Variants in CDC123 observed in about 807,000 individuals in gnomAD.
The protein encoded by CDC123 is translation initiation factor eIF2 assembly protein.
A neutral mutation model predicts 54.4 loss-of-function variants in CDC123; 37 were observed. The observed-to-expected ratio is 0.68, with a 90% CI of 0.52 to 0.89. The LOEUF (loss-of-function observed/expected upper bound fraction) is 0.89. CDC123 is among the 40% of genes least tolerant of loss of function. The pLI is 0.00. For synonymous variants in CDC123, 144 were observed against 136.8 expected, an observed-to-expected ratio of 1.05 and a Z score of -0.37; for missense variants, 361 against 412.1, an observed-to-expected ratio of 0.88 and a Z score of 1.07.
chr10:12,211,032 T>G (rs759182504), intron 4 of CDC123, among the ~76,000 whole-genome samples: 16 of 152,206 alleles, frequency 1.1e-4, no homozygotes, highest in Non-Finnish European at 2.4e-4. Flanking sequence ...TAAAAATTAC[T>G]GTTTCTTTCA....
intron 6 of CDC123, among the ~76,000 whole-genome samples, chr10:12,223,435 G>A (rs1206964297): frequency 2.6e-5 from 4 of 152,026 alleles, no homozygotes; most frequent in East Asian, 1.9e-4. Flanking sequence ...GTAGGCGCAC[G>A]CCACCACGCC....
chr10:12,226,143 T>G (rs1433130723), intron 6 of CDC123, among the ~76,000 whole-genome samples: 1 of 151,498 alleles, frequency 6.6e-6, no homozygotes, highest in African/African-American at 2.4e-5. Flanking sequence ...CAAAATGGAG[T>G]CTCCCATGTC....
intron 11 of CDC123, among the ~76,000 whole-genome samples, chr10:12,249,363 AGGAGGTC>A (rs1194131169): frequency 2.0e-5 from 3 of 152,160 alleles, no homozygotes; most frequent in African/African-American, 4.8e-5. Flanking sequence ...ACCTGAGCCC[AGGAGGTC>A]GAGGCTGCAG....
chr10:12,196,302 AG>A lies in CDC123; in HGVS notation c.59del (p.Gly20AlafsTer15), dbSNP rs762580148. The A allele has an allele frequency of 2.5e-6, 4 of 1,613,392 alleles. No homozygotes were observed. Among genetic ancestry groups the A allele is most frequent in the Non-Finnish European group, 3.4e-6 (4 of 1,179,662 alleles). On this transcript the variant is annotated frameshift_variant, in exon 1 of 13. Transcript: ENST00000281141. LOFTEE classifies it high-confidence loss of function. ...TCTCCGCGTGGTACCCGTTCTTCCG[AG>A]GCGTTACCATCAAGAGGTGAGATGG... ...QFSAWYPFFRGVTIKSVILPL... is the reference protein window; with the variant it reads ...QFSAWYPFFRXVTIKSVILPL...
chr10:12,240,966 C>T lies in CDC123; in HGVS notation c.717+2481C>T, dbSNP rs115697488. Among the ~76,000 whole-genome samples the T allele has an allele frequency of 7.5e-3, 1,139 of 152,174 alleles. 15 individuals are homozygous for T. The highest frequency in any genetic ancestry group is 0.026 in the African/African-American group (1,075 of 41,502). ...ATTCCTAGAAGCGGGATTGCTGGCTCAAAAGTGAAATGTATTTTAATGTTG... is the reference window on the plus strand; with the variant it reads ...ATTCCTAGAAGCGGGATTGCTGGCTTAAAAGTGAAATGTATTTTAATGTTG... On this transcript the variant is annotated intron_variant, in intron 10 of 12. Coordinates refer to ENST00000281141, the MANE Select transcript of CDC123 (RefSeq NM_006023.3).
intron 8 of CDC123, 56 bp downstream of exon 8, chr10:12,235,179 C>T: frequency 1.4e-6 from 2 of 1,455,256 alleles, no homozygotes; most frequent in African/African-American, 1.4e-5. Flanking sequence ...TAAAAGAAAA[C>T]AAGCTTTTGT....
At chr10:12,223,096 G>A (rs1400675884) in intron 6 of CDC123, among the ~76,000 whole-genome samples, 2 of 150,872 alleles carry the variant, frequency 1.3e-5, no homozygotes, top group Non-Finnish European at 3.0e-5. Flanking sequence ...GGGTTTCACC[G>A]TATTAGCCAG....
intron 6 of CDC123, among the ~76,000 whole-genome samples, chr10:12,228,288 T>G (rs1332069581): frequency 6.6e-6 from 1 of 152,168 alleles, no homozygotes; most frequent in Non-Finnish European, 1.5e-5. Context: ...TTAAAATAAT[T>G]TTTAATCGAA....
At chr10:12,217,923 A>C (rs1835682899) in intron 6 of CDC123, among the ~76,000 whole-genome samples, 1 of 152,020 alleles carries the variant, frequency 6.6e-6, no homozygotes, top group South Asian at 2.1e-4. Context: ...CCCCGTCTCT[A>C]CTAAAAATAC....
At chr10:12,214,793 GTCTT>G (rs1835642513) in intron 4 of CDC123, among the ~76,000 whole-genome samples, 1 of 151,616 alleles carries the variant, frequency 6.6e-6, no homozygotes, top group Admixed American at 6.6e-5. Context: ...GATGTAGTCT[GTCTT>G]TTTTTTTTCC....
intron 6 of CDC123, among the ~76,000 whole-genome samples, chr10:12,230,674 G>T (rs944901703): frequency 5.3e-5 from 8 of 152,200 alleles, no homozygotes; most frequent in African/African-American, 1.9e-4. Flanking sequence ...CTGTTGTGCT[G>T]TCAAATACTA....
intron 6 of CDC123, among the ~76,000 whole-genome samples, chr10:12,222,886 A>C: frequency 6.9e-6 from 1 of 144,994 alleles, no homozygotes. Context: ...GATATGTTAC[A>C]TTTGTCCTCT....
chr10:12,210,153 C>T, intron 3 of CDC123, 129 bp downstream of exon 3: 2 of 1,432,636 alleles, frequency 1.4e-6, no homozygotes, highest in Non-Finnish European at 1.9e-6. Flanking sequence ...CTTACTTTGA[C>T]ATATATTTTC....
At chr10:12,210,056 G>A in intron 3 of CDC123, 32 bp downstream of exon 3, 1 of 1,604,354 alleles carries the variant, frequency 6.2e-7, no homozygotes, top group Non-Finnish European at 8.5e-7. Flanking sequence ...CTGTTCTGTA[G>A]ACTGTTGTAA....
chr10:12,217,589 A>G (rs778513398), intron 6 of CDC123, 122 bp downstream of exon 6: 28 of 953,664 alleles, frequency 2.9e-5, no homozygotes, highest in African/African-American at 1.7e-4. Flanking sequence ...AAGCTATTTC[A>G]TATTGCCAAA....
intron 6 of CDC123, among the ~76,000 whole-genome samples, chr10:12,217,746 T>C (rs1265776939): frequency 1.3e-5 from 2 of 152,142 alleles, no homozygotes; most frequent in African/African-American, 4.8e-5. Context: ...ATATTTATCA[T>C]AGAAAAGCAA....
At chr10:12,202,569 C>A (rs888812579) in intron 2 of CDC123, among the ~76,000 whole-genome samples, 3 of 152,246 alleles carry the variant, frequency 2.0e-5, no homozygotes, top group African/African-American at 4.8e-5. Context: ...GACTGCCCCC[C>A]ACTCTGATGT....
intron 9 of CDC123, 22 bp downstream of exon 9, chr10:12,237,288 C>A: frequency 6.6e-7 from 1 of 1,517,630 alleles, no homozygotes; most frequent in South Asian, 1.4e-5. Context: ...TTTATTGATC[C>A]AGTAAAATGA....
chr10:12,223,442 C>T (rs1028446363), intron 6 of CDC123, among the ~76,000 whole-genome samples: 15 of 151,970 alleles, frequency 9.9e-5, no homozygotes, highest in Non-Finnish European at 4.4e-5. Flanking sequence ...CACGCCACCA[C>T]GCCTGGATAA....
Sources: allele counts gnomAD v4.1 joint callset (sites outside exome capture counted in the v4.1 genomes callset), GRCh38; gene constraint gnomAD v4.1.1; transcripts MANE v1.5; gene names NCBI Gene and HGNC (gene_info 2026-07-23, HGNC 2026-07-21).